The following KLHL13 variants were observed in gnomAD, a reference collection of about 807,000 sequenced individuals.
KLHL13 encodes kelch like family member 13.
In KLHL13, 10 loss-of-function variants were observed where a neutral mutation model predicts 37.1. The ratio of observed to expected loss-of-function variants is 0.27; its 90% CI spans 0.17 to 0.46. The LOEUF (loss-of-function observed/expected upper bound fraction) is 0.46, where lower values mean the gene tolerates loss of function less well. Among genes scored for constraint, KLHL13 ranks in the 20% least tolerant of loss-of-function variants. The pLI is 1.00. For synonymous variants in KLHL13, 163 were observed against 181.2 expected (o/e 0.90, Z 0.81); for missense variants, 360 against 509.3 (o/e 0.71, Z 2.82).
chrX:117,959,898 A>T (rs2053263379), intron 1 of KLHL13, among the ~76,000 whole-genome samples: 1 of 111,679 alleles, frequency 9.0e-6, no homozygotes, highest in South Asian at 3.8e-4. Context: ...GAGAGACTTA[A>T]ATGTGGGAAG....
At position 118,021,560 on chromosome X, in the gene KLHL13, G is replaced by A. The variant is rs1160251737; in HGVS notation, c.-55-75985C>T. Among the ~76,000 whole-genome samples, 8 of 110,177 alleles carry A rather than the reference G, an allele frequency of 7.3e-5. No individual in the cohort carries two copies. The East Asian group carries it at 2.3e-3, about 32-fold the overall frequency. On this transcript the variant is annotated intron_variant, in intron 1 of 6. Coordinates refer to the KLHL13 transcript ENST00000371882. ...CAGCTTCATCCATGTCCCTACAAAG[G>A]ACATGAACTCATCATTTTTTATGGC...
chrX:118,104,648 C>T (rs1179946873), intron 1 of KLHL13, among the ~76,000 whole-genome samples: 2 of 111,878 alleles, frequency 1.8e-5, no homozygotes, highest in South Asian at 3.7e-4. Flanking sequence ...CAATTTGGAG[C>T]TAGACTGCAG....
intron 1 of KLHL13, among the ~76,000 whole-genome samples, chrX:118,036,737 A>T (rs1213416846): frequency 9.0e-6 from 1 of 111,222 alleles, no homozygotes; most frequent in Non-Finnish European, 1.9e-5. Context: ...GCCAAAATTG[A>T]CAAATGGGAT....
At chrX:117,932,483 GGT>G (rs1480361055) in intron 2 of KLHL13, among the ~76,000 whole-genome samples, 2 of 111,385 alleles carry the variant, frequency 1.8e-5, no homozygotes, top group Non-Finnish European at 3.8e-5. Context: ...ATGTCTTCCA[GGT>G]TCATCCATAC....
At chrX:118,004,803 G>T (rs2053963367) in intron 1 of KLHL13, among the ~76,000 whole-genome samples, 1 of 111,708 alleles carries the variant, frequency 9.0e-6, no homozygotes, top group Non-Finnish European at 1.9e-5. Context: ...CAAGTTGTAT[G>T]GGACAAATCA....
rs761969084 is a variant in KLHL13 at position 118,071,077 on chromosome X, G to T, written c.-56+45431C>A. ...CAACTTCATCCATGTCCCTACAAAGGACATGAACTCATCATTTTTTATGGC... is the reference window on the plus strand; with the variant it reads ...CAACTTCATCCATGTCCCTACAAAGTACATGAACTCATCATTTTTTATGGC... On this transcript the variant is annotated intron_variant, in intron 1 of 6. Coordinates refer to the KLHL13 transcript ENST00000371882. Among the ~76,000 whole-genome samples the T allele has an allele frequency of 2.4e-3, 272 of 111,379 alleles. 1 individual carries two copies. The highest frequency in any genetic ancestry group is 4.0e-3 in the Non-Finnish European group (212 of 53,061).
chrX:118,011,423 C>T (rs1602648490), intron 1 of KLHL13, among the ~76,000 whole-genome samples: 2 of 107,811 alleles, frequency 1.9e-5, no homozygotes, highest in African/African-American at 3.4e-5. Context: ...ATCATTATGG[C>T]TGCAAAGAGA....
At chrX:117,937,423 T>G (rs187770492) in intron 2 of KLHL13, among the ~76,000 whole-genome samples, 115 of 111,905 alleles carry the variant, frequency 1.0e-3, no homozygotes, top group Admixed American at 2.3e-3. Flanking sequence ...CACATCACTG[T>G]TCTTTCTCAG....
chrX:118,019,068 T>TA (rs1042533790), intron 1 of KLHL13, among the ~76,000 whole-genome samples: 4 of 111,113 alleles, frequency 3.6e-5, no homozygotes, highest in Non-Finnish European at 7.6e-5. Context: ...TAAGAACATC[T>TA]AAAATCTACT....
At chrX:117,998,858 T>C (rs1033170899) in intron 1 of KLHL13, among the ~76,000 whole-genome samples, 2 of 110,579 alleles carry the variant, frequency 1.8e-5, no homozygotes, top group Non-Finnish European at 3.8e-5. Flanking sequence ...AGCAAAACCA[T>C]ATAAATGCTA....
intron 1 of KLHL13, among the ~76,000 whole-genome samples, chrX:118,087,567 C>T (rs1027006951): frequency 4.5e-5 from 5 of 110,744 alleles, no homozygotes; most frequent in African/African-American, 6.6e-5. Context: ...AATTTGGGGA[C>T]CTCTTTATCT....
rs148757224 is a variant in KLHL13 at position 118,021,688 on chromosome X, C to A, written c.-55-76113G>T. On this transcript the variant is annotated intron_variant, in intron 1 of 6. Transcript: ENST00000371882. ...AAGTCTTTGCTATTGTGAATAGTGT[C>A]GCAATAAACATACGTGTGCATGTCT... Among the ~76,000 whole-genome samples, 786 of 108,674 alleles carry A rather than the reference C, an allele frequency of 7.2e-3. 6 individuals are homozygous for A. Among genetic ancestry groups the A allele is most frequent in the African/African-American group, 0.025 (693 of 28,044 alleles). The allele number at this position is 108,674 out of a possible 115,157, so 94.4% of individuals were successfully genotyped here.
rs1050372447 is a variant in KLHL13 at position 117,905,468 on chromosome X, T to G, written c.1367-3522A>C. 2.7e-5 allele frequency among the ~76,000 whole-genome samples: 3 copies of G among 110,127 alleles called. No individual in the cohort carries two copies. The East Asian group carries it at 8.5e-4, about 31-fold the overall frequency. On this transcript the variant is annotated intron_variant, in intron 5 of 6. Transcript: ENST00000262820. ...AGCAGCATTTTGAAGGAATTATATT[T>G]CAGCACTAAACCAGGTGAGCACGTG...
intron 1 of KLHL13, chrX:117,985,523 T>C (rs1407500647): frequency 5.0e-6 from 1 of 200,839 alleles, no homozygotes; most frequent in Non-Finnish European, 7.4e-6. Context: ...TTGAACTATT[T>C]ATATTTCATA....
At chrX:118,046,541 G>A (rs933911920) in intron 1 of KLHL13, among the ~76,000 whole-genome samples, 14 of 111,929 alleles carry the variant, frequency 1.3e-4, no homozygotes, top group African/African-American at 4.5e-4. Context: ...AACTTAAAGA[G>A]TATAATTAGA....
intron 1 of KLHL13, among the ~76,000 whole-genome samples, chrX:118,067,447 A>T (rs2054807209): frequency 3.1e-5 from 3 of 95,350 alleles, no homozygotes; most frequent in African/African-American, 1.3e-4. Context: ...CTAAATTTAT[A>T]AAAAAATTTC....
At chrX:117,966,744 G>T (rs2053440210) in intron 1 of KLHL13, among the ~76,000 whole-genome samples, 1 of 111,267 alleles carries the variant, frequency 9.0e-6, no homozygotes, top group Non-Finnish European at 1.9e-5. Flanking sequence ...AGAGCCCTCA[G>T]AAATAATGCC....
intron 4 of KLHL13, among the ~76,000 whole-genome samples, chrX:117,917,495 A>C (rs750123593): frequency 4.5e-5 from 5 of 112,332 alleles, no homozygotes; most frequent in Non-Finnish European, 5.6e-5. Flanking sequence ...TTAAACAATT[A>C]TAATAAATGT....
chrX:117,961,048 A>G (rs921385384), intron 1 of KLHL13, among the ~76,000 whole-genome samples: 8 of 112,170 alleles, frequency 7.1e-5, no homozygotes, highest in Non-Finnish European at 3.8e-5. Flanking sequence ...AATTTCACTC[A>G]TATCTGTATT....
Sources: gnomAD v4.1 joint callset for allele counts (sites outside exome capture counted in the v4.1 genomes callset) on GRCh38, gnomAD v4.1.1 for gene constraint, MANE v1.5 for transcripts, NCBI Gene and HGNC (gene_info 2026-07-23, HGNC 2026-07-21) for gene names.